The following F11 variants were observed in gnomAD, a reference collection of about 807,000 sequenced individuals.
The protein encoded by F11 is coagulation factor XI.
A neutral mutation model predicts 76.5 loss-of-function variants in F11; 78 were observed. The ratio of observed to expected loss-of-function variants is 1.02; its 90% confidence interval spans 0.85 to 1.23. F11 has a LOEUF of 1.23. F11 is among the 50% of genes most tolerant of loss of function. The pLI, the probability that F11 is intolerant of heterozygous loss-of-function variation, is 0.00. For missense variants in F11, 742 were observed against 771.4 expected (o/e 0.96, Z 0.45); for synonymous variants, 278 against 276.3 (o/e 1.01, Z -0.06).
intron 7 of F11, among the ~76,000 whole-genome samples, chr4:186,278,600 A>G (rs1203865251): frequency 2.0e-5 from 3 of 152,182 alleles, no homozygotes; most frequent in African/African-American, 4.8e-5. Context: ...GGAGTCAGTG[A>G]TAGCACCAAG....
chr4:186,287,211 T>C (rs368757691), intron 13 of F11, among the ~76,000 whole-genome samples: 7 of 151,964 alleles, frequency 4.6e-5, no homozygotes, highest in Admixed American at 1.3e-4. Flanking sequence ...CCTGACCTCG[T>C]GATCCACCTG....
intron 3 of F11, 67 bp downstream of exon 3, chr4:186,271,838 T>A: frequency 6.6e-7 from 1 of 1,513,402 alleles, no homozygotes; most frequent in South Asian, 1.1e-5. Flanking sequence ...CTTAACACAT[T>A]TCCATCTAAC....
chr4:186,288,603 C>G lies in F11; in HGVS notation c.1867C>G (p.Gln623Glu). 1 of 1,613,994 alleles carries G rather than the reference C, an allele frequency of 6.2e-7. No homozygotes were observed. The highest frequency in any genetic ancestry group is 8.5e-7 in the Non-Finnish European group (1 of 1,179,958). The change falls in exon 15 of 15, where the codon CAA becomes GAA. Residue 623 changes from glutamine (Q) to glutamate (E), a missense_variant. By Grantham distance (29) the Gln-to-Glu change is conservative. Transcript: ENST00000403665. ...EYVDWILEKT[Q>E]AV ...CGTGGACTGGATTCTGGAGAAAACT[C>G]AAGCAGTGTGAATGGGTTCCCAGGG...
At chr4:186,284,477 C>T (rs903808092) in intron 11 of F11, among the ~76,000 whole-genome samples, 12 of 152,130 alleles carry the variant, frequency 7.9e-5, no homozygotes, top group Admixed American at 6.5e-5. Context: ...CCTGCTATTC[C>T]GCTTCCCATT....
rs751140931 is a variant in F11, at chr4:186,280,493, C to T, written c.1048C>T (p.Leu350Phe). The change falls in exon 10 of 15, where the codon CTT (leucine) becomes TTT (phenylalanine). Residue 350 changes from leucine (L) to phenylalanine (F), a missense_variant. By Grantham distance (22) the Leu-to-Phe change is conservative. Coordinates refer to ENST00000403665, the MANE Select transcript of F11 (RefSeq NM_000128.4). Reference protein sequence around the residue: ...NEGKGKCYLKLSSNGSPTKIL... With the variant: ...NEGKGKCYLKFSSNGSPTKIL... The stretch of plus-strand genomic sequence containing the variant: ...CTGCAGGGGCAAGTGTTACTTAAAG[C>T]TTTCTTCAAACGGATCTCCAACTAA... The T allele has an allele frequency of 6.2e-7, 1 of 1,614,122 alleles. No individual in the cohort carries two copies. The highest frequency in any genetic ancestry group is 8.5e-7 in the Non-Finnish European group (1 of 1,180,006).
In F11 at chr4:186,280,526, C is replaced by T; in HGVS notation, c.1081C>T (p.His361Tyr). The change falls in exon 10 of 15, where the codon CAC becomes TAC. Residue 361 changes from histidine to tyrosine, a missense_variant. Physicochemically the swap from His to Tyr is moderately conservative, Grantham distance 83. Coordinates refer to ENST00000403665, the MANE Select transcript of F11 (RefSeq NM_000128.4). ...AAACGGATCTCCAACTAAAATACTT[C>T]ACGGGAGAGGAGGCATCTCTGGATA... is the stretch of plus-strand genomic sequence containing the variant. The part of the protein sequence containing the change: ...SSNGSPTKIL[H>Y]GRGGISGYTL... 6.2e-7 allele frequency: 1 copy of T among 1,614,138 alleles called. No individual in the cohort carries two copies. Among genetic ancestry groups the T allele is most frequent in the Non-Finnish European group, 8.5e-7 (1 of 1,180,026 alleles).
In F11 at chr4:186,267,485, G is replaced by A. The variant is rs1280566892; in HGVS notation, c.55+294G>A. On this transcript the variant is annotated intron_variant, in intron 2 of 14. Transcript: ENST00000403665. Reference sequence around the variant, plus strand: ...TATTAAAAAGAAGAAATCTTGATTTGCCTCACTAATTAGTTGGTTTTTCAT... The same window carrying A: ...TATTAAAAAGAAGAAATCTTGATTTACCTCACTAATTAGTTGGTTTTTCAT... 2.6e-5 allele frequency among the ~76,000 whole-genome samples: 4 copies of A among 152,224 alleles called. No individual in the cohort carries two copies. The East Asian group carries it at 7.7e-4, about 29-fold the overall frequency.
intron 2 of F11, among the ~76,000 whole-genome samples, chr4:186,270,733 G>A (rs1363945455): frequency 5.9e-5 from 9 of 152,108 alleles, no homozygotes; most frequent in South Asian, 2.1e-4. Context: ...TTGCTCTGTC[G>A]CCCAGGCTGG....
At chr4:186,287,534 A>G (rs1429231967) in intron 13 of F11, 150 bp from the exon 14 acceptor site, 2 of 236,836 alleles carry the variant, frequency 8.4e-6, no homozygotes, top group Non-Finnish European at 1.6e-5. Flanking sequence ...CAGTGAGCTG[A>G]GATTGCACCA....
At chr4:186,279,973 T>C (rs1740671345) in intron 7 of F11, 39 bp from the exon 8 acceptor site, 1 of 1,463,840 alleles carries the variant, frequency 6.8e-7, no homozygotes, top group South Asian at 1.1e-5. Context: ...TTTATGTGTT[T>C]GATATGATAT....
At chr4:186,287,887 T>C in intron 14 of F11, 64 bp downstream of exon 14, 12 of 1,564,960 alleles carry the variant, frequency 7.7e-6, no homozygotes, top group Non-Finnish European at 1.0e-5. Context: ...GTTGGGGTTT[T>C]TTTGTTTGTT....
chr4:186,285,534 T>C lies in F11; in HGVS notation c.1305-104T>C, dbSNP rs1741131513. On this transcript the variant is annotated intron_variant, in intron 11 of 14. Transcript: ENST00000403665. ...CTTTTTTCTACCTAAATGTCCATCATTGGCAGAAAATATTAGTAATAATTA... is the reference window on the plus strand; with the variant it reads ...CTTTTTTCTACCTAAATGTCCATCACTGGCAGAAAATATTAGTAATAATTA... The C allele has an allele frequency of 5.8e-6, 7 of 1,215,248 alleles. 1 individual carries two copies. The highest frequency in any genetic ancestry group is 2.6e-5 in the South Asian group (2 of 77,858). The allele number at this position is 1,215,248 out of a possible 1,614,324, so 75.3% of individuals were successfully genotyped here.
intron 5 of F11, chr4:186,274,919 T>G (rs1169016527): frequency 5.6e-6 from 1 of 178,536 alleles, no homozygotes; most frequent in African/African-American, 2.4e-5. Flanking sequence ...AACATTCAAA[T>G]TACTAATACT....
At chr4:186,284,042 G>A (rs775192885) in intron 10 of F11, 50 bp from the exon 11 acceptor site, 2 of 1,613,620 alleles carry the variant, frequency 1.2e-6, no homozygotes, top group Non-Finnish European at 8.5e-7. Flanking sequence ...CATAATTACT[G>A]ATGGAAAGGA....
intron 4 of F11, among the ~76,000 whole-genome samples, chr4:186,273,458 T>TC (rs1011458845): frequency 2.6e-5 from 4 of 151,912 alleles, no homozygotes; most frequent in Non-Finnish European, 5.9e-5. Context: ...TAAATGAAAG[T>TC]CTTTTTTTTT....
intron 7 of F11, among the ~76,000 whole-genome samples, chr4:186,278,694 C>A (rs967720771): frequency 6.6e-6 from 1 of 152,156 alleles, no homozygotes; most frequent in African/African-American, 2.4e-5. Context: ...GTAGGAGAAG[C>A]AATGCCCTTG....
intron 13 of F11, 62 bp from the exon 14 acceptor site, chr4:186,287,622 A>G (rs1380308653): frequency 1.0e-6 from 1 of 988,720 alleles, no homozygotes; most frequent in Non-Finnish European, 1.5e-6. Context: ...ATATGTATGC[A>G]TATATGTTTA....
rs768384279 is a variant in F11 at position 186,274,109 on chromosome 4, T to C, written c.326-7T>C. 1.6e-5 allele frequency: 26 copies of C among 1,614,092 alleles called. No homozygotes were observed. Among genetic ancestry groups the C allele is most frequent in the Non-Finnish European group, 2.1e-5 (25 of 1,180,024 alleles). Reference sequence around the variant, plus strand: ...AAGGTACTCATGTCTTCTGCTTTTATTTCCAGCTTGCAACAAAGACATTTA... The same window carrying C: ...AAGGTACTCATGTCTTCTGCTTTTACTTCCAGCTTGCAACAAAGACATTTA... On this transcript the variant is annotated splice_polypyrimidine_tract_variant and splice_region_variant and intron_variant, in intron 4 of 14. Transcript: ENST00000403665.
At chr4:186,275,637 G>A in intron 5 of F11, 150 bp from the exon 6 acceptor site, 1 of 680,222 alleles carries the variant, frequency 1.5e-6, no homozygotes, top group Non-Finnish European at 2.7e-6. Context: ...TAGCAACACT[G>A]CTGGGACCAT....
Sources: allele counts gnomAD v4.1 joint callset (sites outside exome capture counted in the v4.1 genomes callset), GRCh38; gene constraint gnomAD v4.1.1; transcripts MANE v1.5; gene names NCBI Gene and HGNC (gene_info 2026-07-23, HGNC 2026-07-21).